The following MICU1 variants were observed in gnomAD, a reference collection of about 807,000 sequenced individuals.
The protein encoded by MICU1 is calcium uptake protein 1, mitochondrial.
In MICU1, 45 loss-of-function variants were observed where a neutral mutation model predicts 56.8. The ratio of observed to expected loss-of-function variants is 0.79; its 90% CI spans 0.62 to 1.02. MICU1 has a LOEUF of 1.02. MICU1 is among the 50% of genes least tolerant of loss of function. MICU1 has a pLI of 0.00. For synonymous variants in MICU1, 186 were observed against 195.1 expected, an observed-to-expected ratio of 0.95 and a Z score of 0.39; for missense variants, 504 against 587.1, an observed-to-expected ratio of 0.86 and a Z score of 1.46.
intron 3 of MICU1, among the ~76,000 whole-genome samples, chr10:72,562,517 T>C (rs944910475): frequency 2.6e-5 from 4 of 152,204 alleles, no homozygotes; most frequent in Non-Finnish European, 4.4e-5. Context: ...CTTGGTCTTC[T>C]AGAAGTTATG....
chr10:72,385,675 CCCCGCCCAGTATTTCCA>C (rs1862863195), intron 10 of MICU1, among the ~76,000 whole-genome samples: 1 of 152,134 alleles, frequency 6.6e-6, no homozygotes, highest in South Asian at 2.1e-4. Flanking sequence ...CTGACGTGCC[CCCCGCCCAGTATTTCCA>C]CCCTCTGGTC....
intron 6 of MICU1, among the ~76,000 whole-genome samples, chr10:72,482,314 C>T (rs955580): frequency 6.6e-6 from 1 of 152,166 alleles, no homozygotes; most frequent in African/African-American, 2.4e-5. Context: ...AGGTTAGATT[C>T]TAAACAAGTT....
chr10:72,486,333 C>T (rs1564896776), intron 6 of MICU1, among the ~76,000 whole-genome samples: 1 of 152,160 alleles, frequency 6.6e-6, no homozygotes, highest in East Asian at 1.9e-4. Context: ...CACAATACAT[C>T]AAAATATGCA....
chr10:72,512,775 C>T (rs1867519219), intron 5 of MICU1, among the ~76,000 whole-genome samples: 1 of 152,076 alleles, frequency 6.6e-6, no homozygotes, highest in Non-Finnish European at 1.5e-5. Flanking sequence ...TCTTGGATCA[C>T]CGCAGCCTTG....
At chr10:72,475,853 C>T (rs1296920821) in intron 7 of MICU1, 1 of 456,688 alleles carries the variant, frequency 2.2e-6, no homozygotes, top group Non-Finnish European at 4.4e-6. Flanking sequence ...CTAACACAGA[C>T]AGCCTGACAA....
At position 72,597,812 on chromosome 10, in the gene MICU1, T is replaced by C. The variant is rs531168545; in HGVS notation, c.-2+28198A>G. 3.9e-5 allele frequency among the ~76,000 whole-genome samples: 6 copies of C among 152,300 alleles called. No individual in the cohort carries two copies. The East Asian group carries it at 1.2e-3, about 29-fold the overall frequency. ...GCTGAAGGAGGCTGGATTGGTCTCC[T>C]TTCCCTTGGGGCCACTGAATAAACT... is the stretch of plus-strand genomic sequence containing the variant. On this transcript the variant is annotated intron_variant, in intron 1 of 11. Coordinates refer to ENST00000361114, the MANE Select transcript of MICU1 (RefSeq NM_001195518.2).
intron 8 of MICU1, among the ~76,000 whole-genome samples, chr10:72,425,637 G>A (rs906728220): frequency 1.3e-5 from 2 of 152,070 alleles, no homozygotes; most frequent in African/African-American, 2.4e-5. Flanking sequence ...TGGCCACTTC[G>A]ACGCTTACTA....
intron 8 of MICU1, among the ~76,000 whole-genome samples, chr10:72,460,757 A>G (rs1467440568): frequency 6.6e-6 from 1 of 150,842 alleles, no homozygotes; most frequent in African/African-American, 2.5e-5. Flanking sequence ...CAGAGGCCAG[A>G]TCTATTTTTT....
At chr10:72,623,726 C>A (rs1182648196) in intron 1 of MICU1, among the ~76,000 whole-genome samples, 2 of 152,064 alleles carry the variant, frequency 1.3e-5, no homozygotes, top group African/African-American at 4.8e-5. Context: ...GTAGTTCCAG[C>A]TACTTCGGAG....
At chr10:72,602,800 A>C (rs1841575155) in intron 1 of MICU1, among the ~76,000 whole-genome samples, 1 of 152,212 alleles carries the variant, frequency 6.6e-6, no homozygotes, top group African/African-American at 2.4e-5. Context: ...GAATGAAAGA[A>C]TCAATACTTA....
intron 5 of MICU1, among the ~76,000 whole-genome samples, chr10:72,530,665 A>G (rs1839454287): frequency 6.6e-6 from 1 of 152,180 alleles, no homozygotes; most frequent in African/African-American, 2.4e-5. Context: ...ACTTTTCTAC[A>G]AGGGAAATTT....
At chr10:72,609,393 G>A (rs909151449) in intron 1 of MICU1, among the ~76,000 whole-genome samples, 2 of 152,128 alleles carry the variant, frequency 1.3e-5, no homozygotes, top group South Asian at 2.1e-4. Flanking sequence ...TAATCTCCAC[G>A]CTTTGGGAGG....
At chr10:72,433,218 G>T (rs915573417) in intron 8 of MICU1, among the ~76,000 whole-genome samples, 2 of 152,096 alleles carry the variant, frequency 1.3e-5, no homozygotes, top group African/African-American at 4.8e-5. Flanking sequence ...GGGATTACAG[G>T]CGTGAGCCAC....
intron 6 of MICU1, among the ~76,000 whole-genome samples, chr10:72,485,357 T>C (rs1459655824): frequency 1.3e-5 from 2 of 151,918 alleles, no homozygotes; most frequent in Non-Finnish European, 2.9e-5. Context: ...GGATTGCAGG[T>C]GTGAGCCATC....
At chr10:72,607,855 G>C (rs138591161) in intron 1 of MICU1, among the ~76,000 whole-genome samples, 111 of 151,982 alleles carry the variant, frequency 7.3e-4, no homozygotes, top group African/African-American at 2.5e-3. Context: ...TAACCTGTGG[G>C]GGGGGTCTAC....
chr10:72,416,473 G>A (rs1863987230), intron 9 of MICU1, among the ~76,000 whole-genome samples: 1 of 152,088 alleles, frequency 6.6e-6, no homozygotes, highest in Non-Finnish European at 1.5e-5. Flanking sequence ...GACTAATGTG[G>A]TTCAAATATC....
chr10:72,441,274 T>C (rs532516825), intron 8 of MICU1, among the ~76,000 whole-genome samples: 1 of 152,098 alleles, frequency 6.6e-6, no homozygotes, highest in Admixed American at 6.6e-5. Context: ...CTGGAAACCA[T>C]CATTCTCAGC....
chr10:72,563,803 A>G (rs1350870329), intron 2 of MICU1, among the ~76,000 whole-genome samples: 2 of 152,198 alleles, frequency 1.3e-5, no homozygotes, highest in African/African-American at 2.4e-5. Flanking sequence ...ACTTCCAGCC[A>G]TAGAGCGCCT....
intron 9 of MICU1, 150 bp from the exon 10 acceptor site, chr10:72,408,187 T>C (rs1863691814): frequency 1.7e-6 from 1 of 572,448 alleles, no homozygotes; most frequent in Non-Finnish European, 3.1e-6. Flanking sequence ...ATCAAATTCA[T>C]AAACAGCAGG....
Sources: allele counts gnomAD v4.1 joint callset (sites outside exome capture counted in the v4.1 genomes callset), GRCh38; gene constraint gnomAD v4.1.1; transcripts MANE v1.5; gene names NCBI Gene and HGNC (gene_info 2026-07-23, HGNC 2026-07-21).